Variants in PLEKHM2 observed in about 807,000 individuals in gnomAD.
The protein encoded by PLEKHM2 is pleckstrin homology domain-containing family M member 2.
PLEKHM2 carries 77 observed loss-of-function variants against 116.3 expected under a neutral mutation model. The ratio of observed to expected loss-of-function variants is 0.66; its 90% CI spans 0.55 to 0.80. The LOEUF (loss-of-function observed/expected upper bound fraction) is 0.80, where lower values mean the gene tolerates loss of function less well. Ranked by LOEUF, PLEKHM2 falls within the 30% of genes least tolerant of loss-of-function variation. PLEKHM2 has a pLI of 0.00. For missense variants in PLEKHM2, 1,183 were observed against 1,354.9 expected, an observed-to-expected ratio of 0.87 and a Z score of 1.99; for synonymous variants, 562 against 571.0, an observed-to-expected ratio of 0.98 and a Z score of 0.22.
intron 18 of PLEKHM2, 41 bp from the exon 19 acceptor site, chr1:15,732,571 G>T: frequency 6.2e-7 from 1 of 1,602,904 alleles, no homozygotes; most frequent in Non-Finnish European, 8.5e-7. Context: ...CCTGCAGAAG[G>T]AAAGCTCTGG....
rs139545112 is a variant in PLEKHM2 at position 15,719,408 on chromosome 1, G to A, written c.466-326G>A. Among the ~76,000 whole-genome samples, 1,941 of 151,848 alleles carry A rather than the reference G, an allele frequency of 0.013. 16 individuals are homozygous for A. Among genetic ancestry groups the A allele is most frequent in the Non-Finnish European group, 0.019 (1,316 of 67,968 alleles). On this transcript the variant is annotated intron_variant, in intron 5 of 19. Transcript: ENST00000375799. This position sits in a 1 kb window ranked among gnomAD's most constrained non-coding sequence, Gnocchi z 4.1. ...TGGAAGTTGCAGTGAGCCGAGCCAC[G>A]TCATTGCACTCCAGCCAGGGCAACA...
At chr1:15,724,556 G>T (rs1253838380) in intron 7 of PLEKHM2, among the ~76,000 whole-genome samples, 1 of 152,118 alleles carries the variant, frequency 6.6e-6, no homozygotes, top group Admixed American at 6.5e-5. Context: ...CCCCCGAGGA[G>T]TGTGTAGGGT....
intron 1 of PLEKHM2, among the ~76,000 whole-genome samples, chr1:15,690,282 T>A (rs34355562): frequency 0.2 from 29,827 of 151,896 alleles, 3,113 homozygotes; most frequent in African/African-American, 0.25. Flanking sequence ...GCCAGGCTGG[T>A]CTCAAACTCC....
intron 14 of PLEKHM2, 90 bp downstream of exon 14, chr1:15,730,019 G>A: frequency 2.7e-6 from 2 of 732,082 alleles, no homozygotes; most frequent in East Asian, 1.6e-4. Flanking sequence ...GCACGTGGAT[G>A]TCTTTGCCAT....
intron 1 of PLEKHM2, among the ~76,000 whole-genome samples, chr1:15,707,067 T>C (rs1641240077): frequency 6.6e-6 from 1 of 151,646 alleles, no homozygotes; most frequent in Non-Finnish European, 1.5e-5. Context: ...TAGTTCAGGC[T>C]GTACAGGCCA....
rs1293839991 is a variant in PLEKHM2, at chr1:15,730,662, A to G, written c.2339A>G (p.Tyr780Cys). ...ATCACCAAAGAAGGCATGCTGCACT[A>G]CAAGGCGGGCACCTCCTACCTGGGC... ...GTITKEGMLHYKAGTSYLGKE... is the reference protein window; with the variant it reads ...GTITKEGMLHCKAGTSYLGKE... Residue 780 changes from tyrosine (Y) to cysteine (C), a missense_variant, in exon 15 of 20, where the codon TAC becomes TGC. Transcript: ENST00000375799. 1.2e-6 allele frequency: 2 copies of G among 1,610,190 alleles called. No individual in the cohort carries two copies. The highest frequency in any genetic ancestry group is 1.1e-5 in the South Asian group (1 of 90,196).
intron 1 of PLEKHM2, among the ~76,000 whole-genome samples, chr1:15,713,884 C>T (rs1368184227): frequency 6.6e-6 from 1 of 151,278 alleles, no homozygotes; most frequent in East Asian, 1.9e-4. Flanking sequence ...GTGATCCGCC[C>T]ACCTCGGCCT....
chr1:15,722,041 A>G (rs2068003144), intron 7 of PLEKHM2, among the ~76,000 whole-genome samples: 1 of 152,272 alleles, frequency 6.6e-6, no homozygotes, highest in Non-Finnish European at 1.5e-5. Context: ...AGCTATTCCC[A>G]GGTTGCCACG....
At chr1:15,689,232 C>T (rs1231703233) in intron 1 of PLEKHM2, among the ~76,000 whole-genome samples, 2 of 127,366 alleles carry the variant, frequency 1.6e-5, no homozygotes, top group African/African-American at 3.5e-5. Context: ...GCAAAAAGAG[C>T]GAAACTCCGT....
At chr1:15,708,730 A>C (rs1284094934) in intron 1 of PLEKHM2, among the ~76,000 whole-genome samples, 1 of 152,146 alleles carries the variant, frequency 6.6e-6, no homozygotes, top group Non-Finnish European at 1.5e-5. Context: ...GCTAGAGTCT[A>C]ACATTTTACA....
In PLEKHM2 at chr1:15,732,342, G is replaced by T. The variant is rs745495220; in HGVS notation, c.2626-8G>T. Reference sequence around the variant, plus strand: ...CCCCAGCCTGCCTCTCCCCTGCCCCGCTGCCAGGTCATCCCCCAGGGCGTA... The same window carrying T: ...CCCCAGCCTGCCTCTCCCCTGCCCCTCTGCCAGGTCATCCCCCAGGGCGTA... On this transcript the variant is annotated splice_polypyrimidine_tract_variant and splice_region_variant and intron_variant, in intron 17 of 19. Coordinates refer to ENST00000375799, the MANE Select transcript of PLEKHM2 (RefSeq NM_015164.4). The T allele has an allele frequency of 3.2e-6, 5 of 1,548,770 alleles. No individual in the cohort carries two copies. Among genetic ancestry groups the T allele is most frequent in the Non-Finnish European group, 4.4e-6 (5 of 1,145,738 alleles).
rs2068129783 is a variant in PLEKHM2, at chr1:15,730,673, A to G, written c.2350A>G (p.Thr784Ala). ...KEGMLHYKAGTSYLGKEHWKT... is the reference protein window; with the variant it reads ...KEGMLHYKAGASYLGKEHWKT... ...AGGCATGCTGCACTACAAGGCGGGCACCTCCTACCTGGGCAAGGAACACTG... is the reference window on the plus strand; with the variant it reads ...AGGCATGCTGCACTACAAGGCGGGCGCCTCCTACCTGGGCAAGGAACACTG... The change falls in exon 15 of 20, where the codon ACC (threonine) becomes GCC (alanine). Residue 784 changes from threonine to alanine, a missense_variant. This residue lies in a region of PLEKHM2 where 594 missense variants were observed against 720.1 expected (regional missense o/e 0.82). Transcript: ENST00000375799. 1 of 1,608,774 alleles carries G rather than the reference A, an allele frequency of 6.2e-7. No homozygotes were observed. The highest frequency in any genetic ancestry group is 1.7e-5 in the Admixed American group (1 of 59,330).
At chr1:15,733,487 G>C (rs1213768448) in intron 19 of PLEKHM2, among the ~76,000 whole-genome samples, 1 of 152,254 alleles carries the variant, frequency 6.6e-6, no homozygotes, top group African/African-American at 2.4e-5. Flanking sequence ...CTAGTTAGAG[G>C]CAGAGAACAG....
rs1571069358 is a variant in PLEKHM2, at chr1:15,728,554, C to T, written c.1922-115C>T. On this transcript the variant is annotated intron_variant, in intron 11 of 19. Transcript: ENST00000375799. The surrounding 1 kb of genome is among the most constrained non-coding windows in gnomAD (Gnocchi z 5.9). ...TCTGTGAGCACTCCACGCCATTCTCCTACTGCAGGGCAAGGAGAGGCCCTC... is the reference window on the plus strand; with the variant it reads ...TCTGTGAGCACTCCACGCCATTCTCTTACTGCAGGGCAAGGAGAGGCCCTC... 8.4e-6 allele frequency: 9 copies of T among 1,066,308 alleles called. No homozygotes were observed. The East Asian group carries it at 1.5e-4, about 18-fold the overall frequency. 66.1% of individuals were successfully genotyped at this position (1,066,308 alleles called of 1,614,324 possible). A position where few individuals can be genotyped will look rare whatever the true frequency, so the allele number is the denominator to read the frequency against.
In PLEKHM2 at chr1:15,730,381, G is replaced by T. The variant is rs2068122919; in HGVS notation, c.2209-151G>T. The T allele has an allele frequency of 5.2e-6, 3 of 576,052 alleles. No homozygotes were observed. The South Asian group carries it at 8.1e-5, about 16-fold the overall frequency. 35.7% of individuals were successfully genotyped at this position (576,052 alleles called of 1,614,324 possible). ...TGCTTGAACCTGGAAGATGGAGGTT[G>T]CAGTGAGTGGAGATCACACCACTGC... On this transcript the variant is annotated intron_variant, in intron 14 of 19. Transcript: ENST00000375799.
chr1:15,692,365 C>T (rs989817432), intron 1 of PLEKHM2, among the ~76,000 whole-genome samples: 3 of 152,198 alleles, frequency 2.0e-5, no homozygotes, highest in African/African-American at 7.2e-5. Context: ...AGTGTGCCTT[C>T]TGCCTGCTCC....
intron 18 of PLEKHM2, 40 bp downstream of exon 18, chr1:15,732,569 A>G: frequency 6.2e-7 from 1 of 1,603,832 alleles, no homozygotes; most frequent in Non-Finnish European, 8.5e-7. Flanking sequence ...GGCCTGCAGA[A>G]GGAAAGCTCT....
chr1:15,687,292 G>C (rs1640793466), intron 1 of PLEKHM2, among the ~76,000 whole-genome samples: 1 of 151,496 alleles, frequency 6.6e-6, no homozygotes. Context: ...TCAGCCTCCC[G>C]AGTAGCTGGG....
rs369864820 is a variant in PLEKHM2 at position 15,728,321 on chromosome 1, C to A, written c.1885C>A (p.Leu629Met). 7 of 1,613,254 alleles carry A rather than the reference C, an allele frequency of 4.3e-6. No individual in the cohort carries two copies. In the African/African-American group the frequency reaches 9.3e-5, roughly 21 times the overall value. The change falls in exon 11 of 20, where the codon CTG (leucine) becomes ATG (methionine). Residue 629 changes from leucine (L) to methionine (M), a missense_variant. Leu to Met is a conservative substitution (Grantham distance 15). Coordinates refer to ENST00000375799, the MANE Select transcript of PLEKHM2 (RefSeq NM_015164.4). The surrounding 1 kb of genome is among the most constrained non-coding windows in gnomAD (Gnocchi z 5.9). The stretch of plus-strand genomic sequence containing the variant: ...GGGCAACCTGCAGCTGCTGTACGTG[C>A]TGCTCACAGACTGCTATGTCTACCT... Reference protein sequence around the residue: ...MEGNLQLLYVLLTDCYVYLLR... With the variant: ...MEGNLQLLYVMLTDCYVYLLR...
Sources: allele counts gnomAD v4.1 joint callset (sites outside exome capture counted in the v4.1 genomes callset), GRCh38; gene constraint gnomAD v4.1.1; regional missense constraint gnomAD v4.1.1; non-coding constraint Gnocchi (gnomAD v3.1); transcripts MANE v1.5; gene names NCBI Gene and HGNC (gene_info 2026-07-23, HGNC 2026-07-21).